The following HCN1 variants were observed in gnomAD, a reference collection of about 807,000 sequenced individuals.
The protein encoded by HCN1 is hyperpolarization activated cyclic nucleotide gated potassium channel 1.
In HCN1, 13 loss-of-function variants were observed where a neutral mutation model predicts 78.9. The observed-to-expected ratio is 0.16, with a 90% CI of 0.11 to 0.26. The LOEUF is 0.26. Among genes scored for constraint, HCN1 ranks in the 10% least tolerant of loss-of-function variants. The probability of loss-of-function intolerance (pLI) is 1.00; values close to 1 mark genes in which losing one functional copy is unlikely to be tolerated. For synonymous variants in HCN1, 552 were observed against 455.5 expected (o/e 1.21, Z -2.70); for missense variants, 810 against 1,154.3 (o/e 0.70, Z 4.32).
intron 4 of HCN1, among the ~76,000 whole-genome samples, chr5:45,386,375 C>T (rs1045662690): frequency 6.6e-6 from 1 of 151,946 alleles, no homozygotes; most frequent in East Asian, 1.9e-4. Context: ...GACAAGGTCT[C>T]CCTCTGTTGC....
chr5:45,485,496 GT>G (rs1741738302), intron 2 of HCN1, among the ~76,000 whole-genome samples: 1 of 152,014 alleles, frequency 6.6e-6, no homozygotes, highest in Non-Finnish European at 1.5e-5. Context: ...AAACAAAACA[GT>G]TTTTTCATCT....
At chr5:45,319,088 T>C (rs1040427123) in intron 5 of HCN1, among the ~76,000 whole-genome samples, 1 of 152,054 alleles carries the variant, frequency 6.6e-6, no homozygotes, top group South Asian at 2.1e-4. Flanking sequence ...TTATCCATTC[T>C]ACTCTTCATG....
At chr5:45,281,912 C>T in intron 6 of HCN1, among the ~76,000 whole-genome samples, 1 of 151,848 alleles carries the variant, frequency 6.6e-6, no homozygotes. Context: ...TTTTGGCTAG[C>T]TATAGTATAT....
In HCN1 at chr5:45,267,193, C is replaced by T. The variant is rs1744875525; in HGVS notation, c.1679G>A (p.Arg560His). Residue 560 changes from arginine to histidine, a missense_variant, in exon 7 of 8, where the codon CGT (arginine) becomes CAT (histidine). By Grantham distance (29) the Arg-to-His change is conservative (BLOSUM62 0). Transcript: ENST00000303230. ...ATTGTCCACGGAAAGTGAGTAAAGA[C>T]GACAATATGTATCAGCTCGAACACT... ...TASVRADTYCRLYSLSVDNFN... is the reference protein window; with the variant it reads ...TASVRADTYCHLYSLSVDNFN... 1.2e-6 allele frequency: 2 copies of T among 1,613,912 alleles called. No homozygotes were observed. Among genetic ancestry groups the T allele is most frequent in the Non-Finnish European group, 1.7e-6 (2 of 1,179,896 alleles).
chr5:45,590,558 T>C (rs913444966), intron 2 of HCN1, among the ~76,000 whole-genome samples: 16 of 152,200 alleles, frequency 1.1e-4, no homozygotes, highest in Non-Finnish European at 1.8e-4. Context: ...TTCTATGGGT[T>C]TGGACAAGTG....
chr5:45,307,058 G>A (rs965501440), intron 5 of HCN1, among the ~76,000 whole-genome samples: 3 of 152,008 alleles, frequency 2.0e-5, no homozygotes, highest in Non-Finnish European at 4.4e-5. Context: ...GAACCCCACA[G>A]TAATGAAGGT....
At chr5:45,449,874 G>T (rs1740881073) in intron 3 of HCN1, among the ~76,000 whole-genome samples, 1 of 152,008 alleles carries the variant, frequency 6.6e-6, no homozygotes, top group South Asian at 2.1e-4. Context: ...CTCACACTCT[G>T]TCCCCCAGGC....
In HCN1 at chr5:45,541,477, G is replaced by A. The variant is rs1424124832; in HGVS notation, c.850-79470C>T. 3.3e-5 allele frequency among the ~76,000 whole-genome samples: 5 copies of A among 152,212 alleles called. No individual in the cohort carries two copies. In the East Asian group the frequency reaches 7.7e-4, roughly 24 times the overall value. ...TAAAGATGCCTTCTATGATCCTTTT[G>A]TACTTGGTTAAGTTAAATTGCTGTG... On this transcript the variant is annotated intron_variant, in intron 2 of 7. Coordinates refer to ENST00000303230, the MANE Select transcript of HCN1 (RefSeq NM_021072.4).
intron 1 of HCN1, among the ~76,000 whole-genome samples, chr5:45,660,620 C>T (rs1189881912): frequency 6.6e-6 from 1 of 151,552 alleles, no homozygotes; most frequent in Non-Finnish European, 1.5e-5. Flanking sequence ...TCTACCAAGC[C>T]AATGGAAAAC....
At chr5:45,645,735 T>A (rs191904353) in intron 1 of HCN1, 127 bp from the exon 2 acceptor site, 14 of 586,208 alleles carry the variant, frequency 2.4e-5, no homozygotes, top group African/African-American at 7.5e-5. Flanking sequence ...TTTTATTTTT[T>A]AAAAATGTAA....
intron 2 of HCN1, among the ~76,000 whole-genome samples, chr5:45,524,052 G>A (rs1742674085): frequency 6.6e-6 from 1 of 152,066 alleles, no homozygotes; most frequent in Admixed American, 6.6e-5. Flanking sequence ...GTGTAAGGAA[G>A]GGATCCAGTT....
In HCN1 at chr5:45,665,192, G is replaced by A. The variant is rs899449571; in HGVS notation, c.426-19584C>T. Among the ~76,000 whole-genome samples, 53 of 151,282 alleles carry A rather than the reference G, an allele frequency of 3.5e-4. No homozygotes were observed. In the South Asian group the frequency reaches 9.2e-3, roughly 26 times the overall value. The stretch of plus-strand genomic sequence containing the variant: ...AAATCATCATTCTCAGTAAACTATC[G>A]CAAGGACTAAAAACCAAACACCACA... On this transcript the variant is annotated intron_variant, in intron 1 of 7. Coordinates refer to ENST00000303230, the MANE Select transcript of HCN1 (RefSeq NM_021072.4).
At chr5:45,540,085 T>C (rs1291094998) in intron 2 of HCN1, among the ~76,000 whole-genome samples, 1 of 151,602 alleles carries the variant, frequency 6.6e-6, no homozygotes, top group Admixed American at 6.6e-5. Context: ...TTGCAAATAG[T>C]GCTATTTATC....
chr5:45,392,662 C>T (rs1262161789), intron 4 of HCN1, among the ~76,000 whole-genome samples: 1 of 151,876 alleles, frequency 6.6e-6, no homozygotes, highest in African/African-American at 2.4e-5. Flanking sequence ...CATGGTGAAA[C>T]CCTGCCTCTA....
At chr5:45,629,468 A>C (rs151019054) in intron 2 of HCN1, among the ~76,000 whole-genome samples, 1 of 152,186 alleles carries the variant, frequency 6.6e-6, no homozygotes, top group African/African-American at 2.4e-5. Flanking sequence ...TCCATAAATC[A>C]GAGTAAGGTG....
At chr5:45,546,730 T>C (rs758957014) in intron 2 of HCN1, among the ~76,000 whole-genome samples, 32 of 151,914 alleles carry the variant, frequency 2.1e-4, no homozygotes, top group Admixed American at 5.9e-4. Flanking sequence ...GGCTTCAATG[T>C]TGTTTATAAT....
rs565755439 is a variant in HCN1, at chr5:45,491,338, T to G, written c.850-29331A>C. 7.2e-5 allele frequency among the ~76,000 whole-genome samples: 11 copies of G among 152,132 alleles called. No homozygotes were observed. The South Asian group carries it at 1.7e-3, about 23-fold the overall frequency. ...TTTCCCTTTAAAGTCTCACAATGTT[T>G]CTACAATTGGTGTCCATACTCCAAC... On this transcript the variant is annotated intron_variant, in intron 2 of 7. Coordinates refer to ENST00000303230, the MANE Select transcript of HCN1 (RefSeq NM_021072.4).
chr5:45,610,163 G>A (rs1744805634), intron 2 of HCN1, among the ~76,000 whole-genome samples: 1 of 152,088 alleles, frequency 6.6e-6, no homozygotes, highest in Non-Finnish European at 1.5e-5. Context: ...ATATATAAAT[G>A]TCCTTTCCAG....
intron 5 of HCN1, among the ~76,000 whole-genome samples, chr5:45,304,564 T>C (rs1309205075): frequency 1.3e-5 from 2 of 152,046 alleles, no homozygotes; most frequent in Admixed American, 6.6e-5. Context: ...TAATCCCAGC[T>C]ACTCGGGAGG....
Sources: gnomAD v4.1 joint callset for allele counts (sites outside exome capture counted in the v4.1 genomes callset) on GRCh38, gnomAD v4.1.1 for gene constraint, MANE v1.5 for transcripts, NCBI Gene and HGNC (gene_info 2026-07-23, HGNC 2026-07-21) for gene names.